EDIL3: variants seen among roughly 807,000 people sequenced by gnomAD.
The protein encoded by EDIL3 is EGF like and discoidin domains 3, also known as EGF-like repeat and discoidin I-like domain-containing protein 3.
Under a neutral mutation model 67.4 loss-of-function variants are expected in EDIL3, and 37 were observed. The observed-to-expected ratio is 0.55, with a 90% CI of 0.42 to 0.72. The LOEUF is 0.72. Among genes scored for constraint, EDIL3 ranks in the 30% least tolerant of loss-of-function variants. EDIL3 has a pLI of 0.00. For missense variants in EDIL3, 527 were observed against 586.3 expected (o/e 0.90, Z 1.04); for synonymous variants, 195 against 196.3 (o/e 0.99, Z 0.05).
At chr5:84,245,717 T>TA (rs137855791) in intron 2 of EDIL3, among the ~76,000 whole-genome samples, 1,691 of 152,184 alleles carry the variant, frequency 0.011, 30 homozygotes, top group African/African-American at 0.039. Context: ...AGCTGGAAGA[T>TA]AAAATCTTTC....
intron 2 of EDIL3, among the ~76,000 whole-genome samples, chr5:84,241,828 T>C (rs1213167351): frequency 6.6e-6 from 1 of 151,946 alleles, no homozygotes; most frequent in African/African-American, 2.4e-5. Context: ...AAATAGTATA[T>C]AAGGTTTAAT....
rs144886887 is a variant in EDIL3 at position 84,205,460 on chromosome 5, A to G, written c.226+24395T>C. ...TGACAGAAGTAATATGAAATGTGCA[A>G]TAGCCAAAATATTTAAAATCATGTA... is the stretch of plus-strand genomic sequence containing the variant. On this transcript the variant is annotated intron_variant, in intron 3 of 10. Transcript: ENST00000296591. Among the ~76,000 whole-genome samples the G allele has an allele frequency of 1.4e-3, 207 of 152,336 alleles. 1 individual carries two copies. Among genetic ancestry groups the G allele is most frequent in the African/African-American group, 4.6e-3 (192 of 41,586 alleles).
chr5:84,124,463 T>C (rs1451972065), intron 5 of EDIL3, among the ~76,000 whole-genome samples: 7 of 147,252 alleles, frequency 4.8e-5, no homozygotes, highest in Non-Finnish European at 7.6e-5. Flanking sequence ...GACCTTTTGT[T>C]CAAAACAGGT....
intron 2 of EDIL3, among the ~76,000 whole-genome samples, chr5:84,245,888 T>A (rs1259167109): frequency 6.8e-6 from 1 of 148,010 alleles, no homozygotes; most frequent in Non-Finnish European, 1.5e-5. Flanking sequence ...CACCTTCCTA[T>A]TTTTTCAATA....
At chr5:84,096,421 G>T (rs767487242) in intron 6 of EDIL3, among the ~76,000 whole-genome samples, 5 of 152,208 alleles carry the variant, frequency 3.3e-5, no homozygotes, top group Non-Finnish European at 5.9e-5. Flanking sequence ...AGTCAAAGGA[G>T]ACCATTTTGG....
At chr5:84,340,366 G>A (rs1355795823) in intron 1 of EDIL3, among the ~76,000 whole-genome samples, 4 of 151,022 alleles carry the variant, frequency 2.6e-5, no homozygotes, top group Non-Finnish European at 5.9e-5. Context: ...TCTAAAATAG[G>A]GATGATAATA....
At chr5:84,206,718 C>T (rs1743987415) in intron 3 of EDIL3, among the ~76,000 whole-genome samples, 1 of 151,996 alleles carries the variant, frequency 6.6e-6, no homozygotes, top group South Asian at 2.1e-4. Flanking sequence ...GGGCTTCATC[C>T]CTGGGATGCA....
intron 6 of EDIL3, among the ~76,000 whole-genome samples, chr5:84,105,163 C>T (rs1747436223): frequency 6.6e-6 from 1 of 151,998 alleles, no homozygotes; most frequent in Non-Finnish European, 1.5e-5. Context: ...ATATTTTAAA[C>T]CTTAATCGAT....
intron 1 of EDIL3, among the ~76,000 whole-genome samples, chr5:84,293,837 A>G (rs1033036013): frequency 1.3e-5 from 2 of 151,430 alleles, no homozygotes; most frequent in African/African-American, 4.9e-5. Flanking sequence ...ACAATTCAAT[A>G]CGATGTATGT....
chr5:84,083,625 A>C (rs895679536), intron 6 of EDIL3, among the ~76,000 whole-genome samples: 1 of 151,914 alleles, frequency 6.6e-6, no homozygotes, highest in African/African-American at 2.4e-5. Context: ...TTTAAGCCAA[A>C]ATTTTTTCAT....
intron 9 of EDIL3, among the ~76,000 whole-genome samples, chr5:84,013,774 C>T (rs532338665): frequency 6.6e-6 from 1 of 152,256 alleles, no homozygotes; most frequent in African/African-American, 2.4e-5. Context: ...CCTCTCAGAA[C>T]ACAAAACATT....
chr5:84,331,145 C>T (rs778776809), intron 1 of EDIL3, among the ~76,000 whole-genome samples: 6 of 152,152 alleles, frequency 3.9e-5, no homozygotes, highest in Admixed American at 6.5e-5. Flanking sequence ...AATTAACTTG[C>T]TTTTGATTTT....
intron 1 of EDIL3, among the ~76,000 whole-genome samples, chr5:84,374,741 G>T (rs1188847790): frequency 6.6e-6 from 1 of 152,126 alleles, no homozygotes; most frequent in East Asian, 1.9e-4. Flanking sequence ...TTTCCCCTGT[G>T]TTGTTCTTGA....
rs1268485381 is a variant in EDIL3 at position 83,941,364 on chromosome 5, T to G, written c.*2055A>C. On this transcript the variant is annotated 3_prime_UTR_variant, in exon 11 of 11. Coordinates refer to ENST00000296591, the MANE Select transcript of EDIL3 (RefSeq NM_005711.5). Reference sequence around the variant, plus strand: ...CCTTGGAAAATATTTTTAAAACAGGTATCAATAGAAAAAATTACAAAACAT... The same window carrying G: ...CCTTGGAAAATATTTTTAAAACAGGGATCAATAGAAAAAATTACAAAACAT... The G allele has an allele frequency of 2.0e-5, 3 of 152,106 alleles. No individual in the cohort carries two copies. The highest frequency in any genetic ancestry group is 3.9e-4 in the East Asian group (2 of 5,166). The allele number at this position is 152,106 out of a possible 1,614,324, so 9.4% of individuals were successfully genotyped here. A position where few individuals can be genotyped will look rare whatever the true frequency, so the allele number is the denominator to read the frequency against.
chr5:84,007,810 CA>C (rs1745445497), intron 9 of EDIL3, among the ~76,000 whole-genome samples: 1 of 152,036 alleles, frequency 6.6e-6, no homozygotes, highest in Non-Finnish European at 1.5e-5. Context: ...CTCAGTATAT[CA>C]AAAAGATATT....
chr5:84,043,458 T>C (rs971639690), intron 9 of EDIL3, among the ~76,000 whole-genome samples: 9 of 152,222 alleles, frequency 5.9e-5, no homozygotes, highest in Non-Finnish European at 1.0e-4. Flanking sequence ...AGGCACGCAG[T>C]GAACTGGAAA....
chr5:84,020,521 C>T (rs940606310), intron 9 of EDIL3, among the ~76,000 whole-genome samples: 13 of 151,926 alleles, frequency 8.6e-5, no homozygotes, highest in African/African-American at 1.7e-4. Flanking sequence ...AATTCTTCTT[C>T]GCATCTCTTT....
intron 1 of EDIL3, among the ~76,000 whole-genome samples, chr5:84,338,781 T>C (rs1465528215): frequency 6.6e-6 from 1 of 152,176 alleles, no homozygotes; most frequent in Non-Finnish European, 1.5e-5. Flanking sequence ...TGCCTCATTT[T>C]TCAAGGCTAA....
chr5:84,312,648 G>C (rs971522223), intron 1 of EDIL3, among the ~76,000 whole-genome samples: 3 of 151,462 alleles, frequency 2.0e-5, no homozygotes, highest in African/African-American at 7.3e-5. Flanking sequence ...GCGGCTGGCC[G>C]GGCAGAGGGG....
Sources: gnomAD v4.1 joint callset for allele counts (sites outside exome capture counted in the v4.1 genomes callset) on GRCh38, gnomAD v4.1.1 for gene constraint, MANE v1.5 for transcripts, NCBI Gene and HGNC (gene_info 2026-07-23, HGNC 2026-07-21) for gene names.